Variants in NFKBIA observed in about 807,000 individuals in gnomAD.
NFKBIA encodes the protein NF-kappa-B inhibitor alpha.
In NFKBIA, 10 loss-of-function variants were observed where a neutral mutation model predicts 36.3. The ratio of observed to expected loss-of-function variants is 0.28; its 90% confidence interval spans 0.17 to 0.47. The LOEUF is 0.47. NFKBIA is among the 20% of genes least tolerant of loss of function. The probability of loss-of-function intolerance (pLI) is 0.99; values close to 1 mark genes in which losing one functional copy is unlikely to be tolerated. For synonymous variants in NFKBIA, 205 were observed against 164.4 expected (o/e 1.25, Z -1.89); for missense variants, 355 against 399.3 (o/e 0.89, Z 0.94).
At position 35,401,876 on chromosome 14, in the gene NFKBIA, A is replaced by G. The variant is rs575753227; in HGVS notation, c.*137T>C. ...TGAGGGCTGATCCTACCACAATAAG[A>G]CGTTTTGGGCCAGGCAGTGTGCAGT... is the stretch of plus-strand genomic sequence containing the variant. On this transcript the variant is annotated 3_prime_UTR_variant, in exon 6 of 6. Transcript: ENST00000216797. 9.8e-6 allele frequency: 9 copies of G among 916,846 alleles called. No individual in the cohort carries two copies. In the South Asian group the frequency reaches 1.3e-4, roughly 13 times the overall value. The allele number at this position is 916,846 out of a possible 1,614,324, so 56.8% of individuals were successfully genotyped here.
intron 3 of NFKBIA, 111 bp from the exon 4 acceptor site, chr14:35,402,970 T>C (rs192312042): frequency 1.5e-6 from 2 of 1,293,692 alleles, no homozygotes; most frequent in African/African-American, 1.5e-5. Context: ...GAACCCACAG[T>C]CTGGGTTCTG....
At chr14:35,404,350 CT>C in intron 1 of NFKBIA, 67 bp downstream of exon 1, 2 of 1,188,282 alleles carry the variant, frequency 1.7e-6, no homozygotes, top group Non-Finnish European at 2.2e-6. Flanking sequence ...GGCCCGGCGC[CT>C]CCCACCCCCA....
intron 5 of NFKBIA, 39 bp downstream of exon 5, chr14:35,402,355 C>G: frequency 6.2e-7 from 1 of 1,613,250 alleles, no homozygotes; most frequent in Non-Finnish European, 8.5e-7. Context: ...GGGAATGGCA[C>G]CTCATTAGTT....
At chr14:35,402,714 C>G (rs949478262) in intron 4 of NFKBIA, 51 bp from the exon 5 acceptor site, 2 of 1,614,048 alleles carry the variant, frequency 1.2e-6, no homozygotes, top group African/African-American at 2.7e-5. Flanking sequence ...GGAATTTCTG[C>G]TCACAACATA....
Position 35,402,753 on chromosome 14 carries a change from G to A in NFKBIA, c.636+18C>T. 1.2e-6 allele frequency: 2 copies of A among 1,613,976 alleles called. No homozygotes were observed. Among genetic ancestry groups the A allele is most frequent in the Non-Finnish European group, 8.5e-7 (1 of 1,179,866 alleles). ...ACGAGGAGCCTGACTCAGTGCGTCGGGGGCAGGAAGCACCAACCTGAGCAT... is the reference window on the plus strand; with the variant it reads ...ACGAGGAGCCTGACTCAGTGCGTCGAGGGCAGGAAGCACCAACCTGAGCAT... On this transcript the variant is annotated intron_variant, in intron 4 of 5. Coordinates refer to ENST00000216797, the MANE Select transcript of NFKBIA (RefSeq NM_020529.3).
rs758681852 is a variant in NFKBIA at position 35,403,755 on chromosome 14, T to G, written c.271A>C (p.Met91Leu). The change falls in exon 2 of 6, where the codon ATG (methionine) becomes CTG (leucine). Residue 91 changes from methionine (M) to leucine (L), a missense_variant. Met to Leu is a conservative substitution (Grantham distance 15). Coordinates refer to ENST00000216797, the MANE Select transcript of NFKBIA (RefSeq NM_020529.3). ...AIIHEEKALTMEVIRQVKGDL... is the reference protein window; with the variant it reads ...AIIHEEKALTLEVIRQVKGDL... Reference sequence around the variant, plus strand: ...CCCTTCACCTGGCGGATCACTTCCATGGTCAGTGCCTTTTCTTCATGGATG... The same window carrying G: ...CCCTTCACCTGGCGGATCACTTCCAGGGTCAGTGCCTTTTCTTCATGGATG... 6.2e-7 allele frequency: 1 copy of G among 1,614,024 alleles called. No individual in the cohort carries two copies. Among genetic ancestry groups the G allele is most frequent in the Non-Finnish European group, 8.5e-7 (1 of 1,179,958 alleles).
intron 2 of NFKBIA, 107 bp from the exon 3 acceptor site, chr14:35,403,467 G>C (rs754865636): frequency 5.2e-4 from 642 of 1,235,520 alleles, no homozygotes; most frequent in Non-Finnish European, 7.3e-4. Context: ...CCTAGACAGG[G>C]GGGTGGGGAG....
intron 1 of NFKBIA, 42 bp downstream of exon 1, chr14:35,404,376 C>G: frequency 7.5e-7 from 1 of 1,331,340 alleles, no homozygotes; most frequent in Non-Finnish European, 1.0e-6. Flanking sequence ...GCGCGCGTCC[C>G]GCCCTCCCGA....
At chr14:35,404,295 C>T in intron 1 of NFKBIA, 123 bp downstream of exon 1, 4 of 641,036 alleles carry the variant, frequency 6.2e-6, no homozygotes, top group Non-Finnish European at 6.7e-6. Flanking sequence ...CGGGGTGCCG[C>T]GGCGCCCGCC....
intron 1 of NFKBIA, chr14:35,404,004 C>G (rs1342577152): frequency 1.7e-6 from 1 of 590,698 alleles, no homozygotes; most frequent in Admixed American, 2.7e-5. Context: ...CGGCGGGCGC[C>G]GGCCAGACCG....
At position 35,404,723 on chromosome 14, in the gene NFKBIA, G is replaced by GGGCGGGACGGCGGGAC. The variant is rs540103354; in HGVS notation, c.-80_-79insGTCCCGCCGTCCCGCC. 2.0e-5 allele frequency: 21 copies of GGGCGGGACGGCGGGAC among 1,049,146 alleles called. No individual in the cohort carries two copies. Among genetic ancestry groups the GGGCGGGACGGCGGGAC allele is most frequent in the Non-Finnish European group, 2.5e-5 (20 of 799,362 alleles). 65.0% of individuals were successfully genotyped at this position (1,049,146 alleles called of 1,614,324 possible). The stretch of plus-strand genomic sequence containing the variant: ...GCTGCTTCCTCGCTGGGGCGCTGGC[G>GGGCGGGACGGCGGGAC]GGCGGGACGGCGGCACGGACTGCTG... On this transcript the variant is annotated 5_prime_UTR_variant, in exon 1 of 6. Transcript: ENST00000216797.
At chr14:35,402,094 T>G in intron 5 of NFKBIA, 34 bp from the exon 6 acceptor site, 1 of 1,613,700 alleles carries the variant, frequency 6.2e-7, no homozygotes, top group Non-Finnish European at 8.5e-7. Context: ...ACGTTAAGCT[T>G]CCGGAGCGGA....
intron 3 of NFKBIA, 58 bp from the exon 4 acceptor site, chr14:35,402,917 C>G: frequency 6.6e-7 from 1 of 1,507,706 alleles, no homozygotes; most frequent in Non-Finnish European, 9.2e-7. Flanking sequence ...CTCCTTTCAC[C>G]TATTCTTTTA....
intron 3 of NFKBIA, 30 bp downstream of exon 3, chr14:35,403,117 AGGG>A: frequency 6.3e-7 from 1 of 1,597,498 alleles, no homozygotes; most frequent in African/African-American, 1.3e-5. Context: ...CTGCCCTCCG[AGGG>A]GGTGGGGCAG....
chr14:35,403,905 G>A (rs1285341570), intron 1 of NFKBIA, 107 bp from the exon 2 acceptor site: 26 of 810,020 alleles, frequency 3.2e-5, no homozygotes, highest in Non-Finnish European at 4.8e-5. Flanking sequence ...TCTGGAGGCC[G>A]AGGCCGCGGT....
intron 1 of NFKBIA, 180 bp from the exon 2 acceptor site, chr14:35,403,978 C>T (rs1170145210): frequency 1.3e-5 from 8 of 622,280 alleles, no homozygotes; most frequent in Admixed American, 9.8e-5. Context: ...TTTCCGCCCC[C>T]CTCCCCCCGC....
intron 3 of NFKBIA, 57 bp downstream of exon 3, chr14:35,403,093 C>CT (rs1261894045): frequency 1.5e-5 from 23 of 1,581,682 alleles, no homozygotes; most frequent in Non-Finnish European, 1.8e-5. Context: ...CCACCTGCCC[C>CT]TTCTCCACGT....
intron 2 of NFKBIA, 131 bp downstream of exon 2, chr14:35,403,559 G>C (rs2233416): frequency 1.2e-6 from 1 of 868,926 alleles, no homozygotes; most frequent in South Asian, 1.4e-5. Flanking sequence ...CTAGGATGTG[G>C]GCTGATGTGA....
intron 1 of NFKBIA, 41 bp downstream of exon 1, chr14:35,404,376 CG>C: frequency 1.5e-6 from 2 of 1,331,330 alleles, no homozygotes; most frequent in Non-Finnish European, 2.0e-6. Flanking sequence ...GCGCGCGTCC[CG>C]CCCTCCCGAC....
Sources: gnomAD v4.1 joint callset for allele counts on GRCh38, gnomAD v4.1.1 for gene constraint, MANE v1.5 for transcripts, NCBI Gene and HGNC (gene_info 2026-07-23, HGNC 2026-07-21) for gene names.